Variants in SNX24 observed in about 807,000 individuals in gnomAD.
SNX24 encodes the protein sorting nexin-24.
A neutral mutation model predicts 28.7 loss-of-function variants in SNX24; 22 were observed. That is an observed-to-expected ratio of 0.77 (90% confidence interval 0.55 to 1.10). The LOEUF (loss-of-function observed/expected upper bound fraction) is 1.10, where lower values mean the gene tolerates loss of function less well. Ranked by LOEUF, SNX24 falls within the 50% of genes least tolerant of loss-of-function variation. The pLI is 0.00. For missense variants in SNX24, 221 were observed against 201.1 expected (o/e 1.10, Z -0.60); for synonymous variants, 69 against 71.5 (o/e 0.96, Z 0.18).
chr5:122,983,254 T>C (rs1724176072), intron 3 of SNX24, among the ~76,000 whole-genome samples: 1 of 152,070 alleles, frequency 6.6e-6, no homozygotes, highest in African/African-American at 2.4e-5. Context: ...TTTCCTTCTA[T>C]TCCTTCCTTT....
intron 1 of SNX24, among the ~76,000 whole-genome samples, chr5:122,921,107 CA>C (rs1323945284): frequency 1.3e-4 from 19 of 151,774 alleles, no homozygotes; most frequent in Admixed American, 1.2e-3. Context: ...CACTATTATG[CA>C]CATGTATTTA....
chr5:123,020,529 C>T (rs1762747680), intron 5 of SNX24, among the ~76,000 whole-genome samples: 1 of 152,166 alleles, frequency 6.6e-6, no homozygotes, highest in Non-Finnish European at 1.5e-5. Context: ...GTTTTATAAC[C>T]ATTTTGGGAC....
intron 3 of SNX24, among the ~76,000 whole-genome samples, chr5:122,983,974 T>C (rs1173136857): frequency 1.3e-5 from 2 of 152,220 alleles, no homozygotes; most frequent in Non-Finnish European, 2.9e-5. Flanking sequence ...TAAAGAATAA[T>C]TGATATTTGT....
At chr5:122,901,369 T>C (rs1757442319) in intron 1 of SNX24, among the ~76,000 whole-genome samples, 1 of 152,216 alleles carries the variant, frequency 6.6e-6, no homozygotes, top group African/African-American at 2.4e-5. Context: ...AGAAGATTTA[T>C]AAAATGCAGT....
intron 1 of SNX24, among the ~76,000 whole-genome samples, chr5:122,866,923 G>A (rs182388680): frequency 1.6e-3 from 250 of 152,342 alleles, no homozygotes; most frequent in Non-Finnish European, 3.1e-3. Flanking sequence ...CTCTAGGCCA[G>A]CAGAGCATAA....
chr5:123,022,940 A>C (rs1483049721), intron 5 of SNX24, among the ~76,000 whole-genome samples: 1 of 152,200 alleles, frequency 6.6e-6, no homozygotes, highest in Non-Finnish European at 1.5e-5. Flanking sequence ...AGTAACTGGA[A>C]CTACAGATGT....
chr5:122,876,988 A>G (rs957149370), intron 1 of SNX24, among the ~76,000 whole-genome samples: 2 of 152,204 alleles, frequency 1.3e-5, no homozygotes, highest in African/African-American at 4.8e-5. Flanking sequence ...TTTTGGATAC[A>G]TGGGGCAGAG....
intron 1 of SNX24, among the ~76,000 whole-genome samples, chr5:122,850,737 G>T (rs577982188): frequency 9.3e-5 from 14 of 150,580 alleles, no homozygotes; most frequent in African/African-American, 3.2e-4. Context: ...GTCTAGGGTG[G>T]ATTTAAGTCT....
At chr5:122,943,389 C>T (rs1759544903) in intron 2 of SNX24, among the ~76,000 whole-genome samples, 1 of 152,114 alleles carries the variant, frequency 6.6e-6, no homozygotes, top group African/African-American at 2.4e-5. Context: ...CTCTCTGTAC[C>T]CCACGTTACT....
At chr5:122,858,584 TGTC>T (rs1022732154) in intron 1 of SNX24, among the ~76,000 whole-genome samples, 6 of 152,216 alleles carry the variant, frequency 3.9e-5, no homozygotes, top group Admixed American at 3.9e-4. Context: ...TGTTAGCTGA[TGTC>T]GTCAAATTCC....
intron 5 of SNX24, among the ~76,000 whole-genome samples, chr5:123,019,950 A>G (rs1420044339): frequency 6.6e-6 from 1 of 152,274 alleles, no homozygotes; most frequent in Non-Finnish European, 1.5e-5. Context: ...GCTCTTGGTC[A>G]TCTGGCATAA....
intron 3 of SNX24, among the ~76,000 whole-genome samples, chr5:122,962,289 C>T (rs2150139464): frequency 6.6e-6 from 1 of 152,150 alleles, no homozygotes; most frequent in Non-Finnish European, 1.5e-5. Context: ...TTAAGGCTTG[C>T]ATTATAACCA....
At chr5:122,974,852 T>A (rs1008873207) in intron 3 of SNX24, among the ~76,000 whole-genome samples, 1 of 152,218 alleles carries the variant, frequency 6.6e-6, no homozygotes, top group Non-Finnish European at 1.5e-5. Flanking sequence ...CCCACCATAA[T>A]TGCCCTCACC....
intron 3 of SNX24, among the ~76,000 whole-genome samples, chr5:122,983,542 T>A (rs1761475032): frequency 6.6e-6 from 1 of 152,204 alleles, no homozygotes; most frequent in Non-Finnish European, 1.5e-5. Context: ...GCTTTCAGTG[T>A]TAGAATGACT....
At chr5:122,969,602 A>G (rs1381653109) in intron 3 of SNX24, among the ~76,000 whole-genome samples, 1 of 152,196 alleles carries the variant, frequency 6.6e-6, no homozygotes, top group Non-Finnish European at 1.5e-5. Context: ...ATACACAAAT[A>G]AATTGACATT....
At chr5:122,887,114 TAATAA>T (rs967432645) in intron 1 of SNX24, among the ~76,000 whole-genome samples, 2 of 152,180 alleles carry the variant, frequency 1.3e-5, no homozygotes, top group African/African-American at 4.8e-5. Flanking sequence ...TGATAATCAT[TAATAA>T]AATAAATAAA....
At position 122,934,446 on chromosome 5, in the gene SNX24, G is replaced by C. The variant is rs148816417; in HGVS notation, c.61-2288G>C. Reference sequence around the variant, plus strand: ...ACGATCTTGGCTCACTGCAACCTCTGCCTCCTAGGTTCAAGCGATTCTCAT... The same window carrying C: ...ACGATCTTGGCTCACTGCAACCTCTCCCTCCTAGGTTCAAGCGATTCTCAT... On this transcript the variant is annotated intron_variant, in intron 1 of 6. Coordinates refer to ENST00000261369, the MANE Select transcript of SNX24 (RefSeq NM_014035.4). 7.1e-3 allele frequency among the ~76,000 whole-genome samples: 1,081 copies of C among 152,170 alleles called. 13 individuals carry two copies. Among genetic ancestry groups the C allele is most frequent in the African/African-American group, 0.024 (1,003 of 41,514 alleles).
At chr5:122,939,831 C>T (rs1759361732) in intron 2 of SNX24, among the ~76,000 whole-genome samples, 1 of 152,138 alleles carries the variant, frequency 6.6e-6, no homozygotes, top group Non-Finnish European at 1.5e-5. Context: ...ATCACTTAGA[C>T]ACAACCCTTC....
rs201269218 is a variant in SNX24, at chr5:123,002,003, C to T, written c.441C>T (p.Ser147=). 1.8e-4 allele frequency: 293 copies of T among 1,612,730 alleles called. 2 individuals are homozygous for T. The highest frequency in any genetic ancestry group is 1.0e-3 in the South Asian group (91 of 91,058). ...ATCCATATGTCTTGCCTGCAGCCAG[C>T]GGTAATCAAACCTGTCATCTGCTAA... ...LRDPYVLPAA[S]DFPNVVIEGV... The change falls in exon 6 of 7, where the codon AGC becomes AGT. Residue 147 remains serine (S), a splice_region_variant and synonymous_variant. Transcript: ENST00000261369.
Sources: allele counts gnomAD v4.1 joint callset (sites outside exome capture counted in the v4.1 genomes callset), GRCh38; gene constraint gnomAD v4.1.1; transcripts MANE v1.5; gene names NCBI Gene and HGNC (gene_info 2026-07-23, HGNC 2026-07-21).